Variants in CCDC149 observed in about 807,000 individuals in gnomAD.
CCDC149 encodes the protein coiled-coil domain containing 149.
A neutral mutation model predicts 59.9 loss-of-function variants in CCDC149; 45 were observed. That is an observed-to-expected ratio of 0.75 (90% CI 0.59 to 0.96). The LOEUF (loss-of-function observed/expected upper bound fraction) is 0.96, where lower values mean the gene tolerates loss of function less well. CCDC149 is among the 40% of genes least tolerant of loss of function. The probability of loss-of-function intolerance (pLI) is 0.00; values close to 1 mark genes in which losing one functional copy is unlikely to be tolerated. For missense variants in CCDC149, 584 were observed against 664.7 expected, an observed-to-expected ratio of 0.88 and a Z score of 1.33; for synonymous variants, 245 against 260.6, an observed-to-expected ratio of 0.94 and a Z score of 0.58.
intron 8 of CCDC149, among the ~76,000 whole-genome samples, chr4:24,831,985 T>C (rs1333934491): frequency 6.6e-6 from 1 of 152,198 alleles, no homozygotes; most frequent in Non-Finnish European, 1.5e-5. Context: ...TTTTTTTCCA[T>C]TTCATGGACA....
chr4:24,922,711 C>T (rs552880952), intron 1 of CCDC149, among the ~76,000 whole-genome samples: 25 of 152,174 alleles, frequency 1.6e-4, no homozygotes, highest in African/African-American at 5.8e-4. Flanking sequence ...AAGGCTTTCC[C>T]CAGTGAGTGC....
intron 1 of CCDC149, among the ~76,000 whole-genome samples, chr4:24,896,073 G>A (rs1375666001): frequency 6.6e-6 from 1 of 152,174 alleles, no homozygotes; most frequent in East Asian, 1.9e-4. Flanking sequence ...ACAAACCTGG[G>A]GTCCAGAGGG....
At chr4:24,900,392 T>C (rs1233593178) in intron 1 of CCDC149, among the ~76,000 whole-genome samples, 1 of 152,158 alleles carries the variant, frequency 6.6e-6, no homozygotes, top group East Asian at 1.9e-4. Context: ...AATAGAGCTA[T>C]ACGTGGGCAG....
At chr4:24,887,599 C>A (rs1449374964) in intron 1 of CCDC149, among the ~76,000 whole-genome samples, 1 of 152,088 alleles carries the variant, frequency 6.6e-6, no homozygotes, top group East Asian at 1.9e-4. Flanking sequence ...ACTTCCCACC[C>A]AACAAATGGC....
chr4:24,885,819 A>G (rs2695224), intron 1 of CCDC149, among the ~76,000 whole-genome samples: 27,633 of 152,166 alleles, frequency 0.18, 2,622 homozygotes, highest in Non-Finnish European at 0.22. Context: ...GTTTGTTTTC[A>G]GAAGAGGGGA....
At chr4:24,874,811 C>T (rs1014466923) in intron 2 of CCDC149, among the ~76,000 whole-genome samples, 1 of 152,138 alleles carries the variant, frequency 6.6e-6, no homozygotes, top group Non-Finnish European at 1.5e-5. Flanking sequence ...GTAATAGTGT[C>T]CCACTTAAAA....
intron 3 of CCDC149, among the ~76,000 whole-genome samples, chr4:24,873,232 G>C (rs1435524916): frequency 6.6e-6 from 1 of 151,326 alleles, no homozygotes; most frequent in African/African-American, 2.4e-5. Flanking sequence ...ACCCATAGGA[G>C]AGTATACAGC....
intron 1 of CCDC149, among the ~76,000 whole-genome samples, chr4:24,956,454 G>T (rs1723468524): frequency 1.3e-5 from 2 of 152,032 alleles, no homozygotes; most frequent in Admixed American, 1.3e-4. Context: ...CCAGACCTAG[G>T]TAATTTCGGG....
At chr4:24,889,535 C>T (rs150981864) in intron 1 of CCDC149, among the ~76,000 whole-genome samples, 18 of 152,322 alleles carry the variant, frequency 1.2e-4, no homozygotes, top group Non-Finnish European at 2.4e-4. Flanking sequence ...GAAACCCTCT[C>T]TTTGCCATCC....
rs149009776 is a variant in CCDC149, at chr4:24,855,141, C to T, written c.265-1962G>A. ...CTCTCCCAAGCACCTAGTAGATGCT[C>T]CATAACTATTTTTAAAATAAGAGGC... On this transcript the variant is annotated intron_variant, in intron 3 of 12. Transcript: ENST00000635206. 2.0e-4 allele frequency among the ~76,000 whole-genome samples: 30 copies of T among 152,240 alleles called. 1 individual carries two copies. In the Middle Eastern group the frequency reaches 0.02, roughly 104 times the overall value.
At chr4:24,816,929 C>T in intron 12 of CCDC149, among the ~76,000 whole-genome samples, 1 of 152,166 alleles carries the variant, frequency 6.6e-6, no homozygotes, top group Admixed American at 6.5e-5. Flanking sequence ...TAGGCTTTGT[C>T]CTCCCAAGCG....
Position 24,946,547 on chromosome 4 carries a change from G to T in CCDC149, c.-65+33522C>A, listed in dbSNP as rs1335363327. 2.0e-5 allele frequency among the ~76,000 whole-genome samples: 3 copies of T among 152,160 alleles called. No individual in the cohort carries two copies. In the East Asian group the frequency reaches 5.8e-4, roughly 29 times the overall value. On this transcript the variant is annotated intron_variant, in intron 1 of 12. Transcript: ENST00000389609. ...CAACAAATGGCGGGTACTTGGTAAAGATATTTTTTAAAATCTTTTTGATTG... is the reference window on the plus strand; with the variant it reads ...CAACAAATGGCGGGTACTTGGTAAATATATTTTTTAAAATCTTTTTGATTG...
At chr4:24,871,770 T>C (rs1394332046) in intron 3 of CCDC149, among the ~76,000 whole-genome samples, 1 of 152,224 alleles carries the variant, frequency 6.6e-6, no homozygotes, top group Non-Finnish European at 1.5e-5. Flanking sequence ...ACAAAGCCAA[T>C]GTTTATGTCA....
At chr4:24,863,692 T>C (rs890182301) in intron 3 of CCDC149, among the ~76,000 whole-genome samples, 1 of 152,276 alleles carries the variant, frequency 6.6e-6, no homozygotes, top group Admixed American at 6.5e-5. Context: ...AGCCCAGGCA[T>C]GTCTGGACAG....
At chr4:24,822,434 G>C (rs757875465) in intron 10 of CCDC149, 63 bp downstream of exon 10, 1 of 1,072,386 alleles carries the variant, frequency 9.3e-7, no homozygotes, top group Non-Finnish European at 1.3e-6. Flanking sequence ...TTACGTGGGA[G>C]CTTCATTTCT....
intron 1 of CCDC149, among the ~76,000 whole-genome samples, chr4:24,889,160 T>C (rs1720381228): frequency 6.6e-6 from 1 of 152,222 alleles, no homozygotes; most frequent in South Asian, 2.1e-4. Flanking sequence ...TGAATATCTA[T>C]TTCAATCCTT....
chr4:24,865,834 C>A (rs947208253), intron 3 of CCDC149, among the ~76,000 whole-genome samples: 20 of 152,132 alleles, frequency 1.3e-4, no homozygotes, highest in Non-Finnish European at 2.4e-4. Flanking sequence ...ACCTTCCTTA[C>A]AAAATGGTTT....
intron 1 of CCDC149, among the ~76,000 whole-genome samples, chr4:24,952,761 C>T (rs936681698): frequency 6.6e-6 from 1 of 150,616 alleles, no homozygotes; most frequent in South Asian, 2.1e-4. Context: ...GCAACCACCA[C>T]CACCATCCGT....
chr4:24,933,410 A>C (rs1722651618), intron 1 of CCDC149, among the ~76,000 whole-genome samples: 2 of 152,246 alleles, frequency 1.3e-5, no homozygotes, highest in Admixed American at 6.5e-5. Flanking sequence ...TTTCTAGCAA[A>C]CTGATAGAGA....
Sources: gnomAD v4.1 joint callset for allele counts (sites outside exome capture counted in the v4.1 genomes callset) on GRCh38, gnomAD v4.1.1 for gene constraint, MANE v1.5 for transcripts, NCBI Gene and HGNC (gene_info 2026-07-23, HGNC 2026-07-21) for gene names.